SLC30A7: variants seen among roughly 807,000 people sequenced by gnomAD.
The protein encoded by SLC30A7 is zinc transporter 7.
In SLC30A7, 35 loss-of-function variants were observed where a neutral mutation model predicts 46.0. The ratio of observed to expected loss-of-function variants is 0.76; its 90% CI spans 0.58 to 1.01. The LOEUF (loss-of-function observed/expected upper bound fraction) is 1.01, where lower values mean the gene tolerates loss of function less well. Ranked by LOEUF, SLC30A7 falls within the 50% of genes least tolerant of loss-of-function variation. SLC30A7 has a pLI of 0.00. For synonymous variants in SLC30A7, 147 were observed against 157.8 expected (o/e 0.93, Z 0.51); for missense variants, 464 against 451.1 (o/e 1.03, Z -0.26).
intron 10 of SLC30A7, among the ~76,000 whole-genome samples, chr1:100,973,962 C>T (rs1411861524): frequency 6.6e-6 from 1 of 151,976 alleles, no homozygotes; most frequent in Admixed American, 6.6e-5. Flanking sequence ...GAAATGAGTT[C>T]AAGAGAGAAG....
At chr1:100,973,992 C>A (rs571599961) in intron 10 of SLC30A7, among the ~76,000 whole-genome samples, 1 of 152,148 alleles carries the variant, frequency 6.6e-6, no homozygotes, top group Non-Finnish European at 1.5e-5. Flanking sequence ...GGATTTTAGA[C>A]AGCAAATATG....
chr1:100,912,228 T>G lies in SLC30A7; in HGVS notation c.501T>G (p.Ser167=), dbSNP rs774029888. The change falls in exon 5 of 11, where the codon TCT becomes TCG. Residue 167 remains serine (S), a synonymous_variant. Transcript: ENST00000357650. Reference sequence around the variant, plus strand: ...TCAAACATGGAGGTCATGGACATTCTCATGGCTCTGGTATGATGGTTAGGA... The same window carrying G: ...TCAAACATGGAGGTCATGGACATTCGCATGGCTCTGGTATGATGGTTAGGA... ...FVFKHGGHGH[S]HGSGHGHSHS... 3.7e-6 allele frequency: 6 copies of G among 1,613,896 alleles called. No homozygotes were observed. Among genetic ancestry groups the G allele is most frequent in the Middle Eastern group, 3.3e-4 (2 of 6,080 alleles).
At chr1:100,968,848 T>C (rs1251035678) in intron 10 of SLC30A7, among the ~76,000 whole-genome samples, 3 of 152,242 alleles carry the variant, frequency 2.0e-5, no homozygotes, top group Non-Finnish European at 4.4e-5. Flanking sequence ...ATAATGAATT[T>C]GTTATATAAA....
chr1:100,954,005 A>G (rs1570577360), intron 8 of SLC30A7, among the ~76,000 whole-genome samples: 1 of 152,148 alleles, frequency 6.6e-6, no homozygotes, highest in Non-Finnish European at 1.5e-5. Flanking sequence ...CTGTTATGCT[A>G]TTTAGCTGTT....
intron 8 of SLC30A7, among the ~76,000 whole-genome samples, chr1:100,945,405 G>T (rs1348848013): frequency 2.0e-5 from 3 of 152,008 alleles, no homozygotes; most frequent in South Asian, 2.1e-4. Context: ...TCTTCTAGGG[G>T]TTTTATGGTT....
chr1:100,942,638 G>A (rs1477286520), intron 8 of SLC30A7, among the ~76,000 whole-genome samples: 2 of 152,224 alleles, frequency 1.3e-5, no homozygotes, highest in African/African-American at 2.4e-5. Flanking sequence ...AATGGAGTCT[G>A]TGCTCCCAAA....
intron 6 of SLC30A7, among the ~76,000 whole-genome samples, chr1:100,916,790 C>A (rs1435635208): frequency 6.7e-6 from 1 of 149,120 alleles, no homozygotes. Flanking sequence ...TGGTAACCAT[C>A]CTTCTACTCT....
chr1:100,965,961 T>G (rs761437858), intron 10 of SLC30A7, 43 bp downstream of exon 10: 1 of 1,527,408 alleles, frequency 6.5e-7, no homozygotes, highest in Admixed American at 2.0e-5. Context: ...CTTAACATTT[T>G]TTATAACTAG....
chr1:100,905,809 A>G (rs1651622181), intron 2 of SLC30A7, among the ~76,000 whole-genome samples: 1 of 152,144 alleles, frequency 6.6e-6, no homozygotes, highest in South Asian at 2.1e-4. Flanking sequence ...CTGACTTTAT[A>G]CCACATCCTT....
chr1:100,941,463 C>T (rs757050572), intron 8 of SLC30A7: 5 of 458,268 alleles, frequency 1.1e-5, no homozygotes, highest in South Asian at 1.8e-5. Flanking sequence ...TGGCCATTCA[C>T]AGTATGGTAT....
intron 8 of SLC30A7, among the ~76,000 whole-genome samples, chr1:100,955,746 A>G (rs1338521090): frequency 3.9e-5 from 6 of 152,142 alleles, no homozygotes; most frequent in Non-Finnish European, 8.8e-5. Context: ...TGAGCTAAAC[A>G]CAATTTTAAA....
At chr1:100,946,481 T>A (rs1557998483) in intron 8 of SLC30A7, among the ~76,000 whole-genome samples, 1 of 152,018 alleles carries the variant, frequency 6.6e-6, no homozygotes, top group Non-Finnish European at 1.5e-5. Context: ...AGTTTGAGAG[T>A]TTTTAAGCAT....
downstream of SLC30A7, among the ~76,000 whole-genome samples, chr1:100,984,848 G>A (rs1360684539): frequency 1.3e-5 from 2 of 152,050 alleles, no homozygotes; most frequent in African/African-American, 4.8e-5. Context: ...ATCTAACAAA[G>A]ACCTTAAAGC....
At chr1:100,972,319 G>A in intron 10 of SLC30A7, 1 of 330,780 alleles carries the variant, frequency 3.0e-6, no homozygotes, top group South Asian at 2.7e-5. Context: ...ACTTGAAGCT[G>A]TCCTCATCGG....
At chr1:100,989,615 T>C in the SLC30A7 span, 3 of 152,254 alleles carry the variant, frequency 2.0e-5, no homozygotes, top group African/African-American at 7.2e-5. Flanking sequence ...AAGAAAATTA[T>C]AAACATATTT....
chr1:100,912,076 T>C, intron 4 of SLC30A7, 36 bp from the exon 5 acceptor site: 1 of 1,590,198 alleles, frequency 6.3e-7, no homozygotes, highest in Non-Finnish European at 8.6e-7. Flanking sequence ...TCAGAAATAA[T>C]ATCTATGCTA....
At chr1:100,988,247 T>C in the SLC30A7 span, among the ~76,000 whole-genome samples, 5 of 152,160 alleles carry the variant, frequency 3.3e-5, no homozygotes, top group Admixed American at 2.0e-4. Context: ...GCCAGTAAGA[T>C]TGCAACTTTC....
chr1:100,896,230 G>T lies in SLC30A7; in HGVS notation c.-33G>T. On this transcript the variant is annotated 5_prime_UTR_variant, in exon 1 of 11. Transcript: ENST00000357650. Reference sequence around the variant, plus strand: ...CACCCCACGGAGCCACTTCTAGAGGGGAGTAGACCCGGCCCTTCGCCGGGC... The same window carrying T: ...CACCCCACGGAGCCACTTCTAGAGGTGAGTAGACCCGGCCCTTCGCCGGGC... 1.2e-6 allele frequency: 2 copies of T among 1,605,566 alleles called. No homozygotes were observed. The highest frequency in any genetic ancestry group is 1.7e-6 in the Non-Finnish European group (2 of 1,172,280).
intron 8 of SLC30A7, among the ~76,000 whole-genome samples, chr1:100,926,394 T>C (rs1653306038): frequency 1.3e-5 from 2 of 151,984 alleles, no homozygotes. Context: ...AATCTTACAG[T>C]CATGGTGGAA....
Sources: gnomAD v4.1 joint callset for allele counts (sites outside exome capture counted in the v4.1 genomes callset) on GRCh38, gnomAD v4.1.1 for gene constraint, MANE v1.5 for transcripts, NCBI Gene and HGNC (gene_info 2026-07-23, HGNC 2026-07-21) for gene names.